Variants in TPD52L1 observed in about 807,000 individuals in gnomAD.
TPD52L1 encodes TPD52 like 1, also known as tumor protein D53.
Under a neutral mutation model 28.7 loss-of-function variants are expected in TPD52L1, and 18 were observed. The ratio of observed to expected loss-of-function variants is 0.63; its 90% CI spans 0.43 to 0.93. TPD52L1 has a LOEUF of 0.93. Ranked by LOEUF, TPD52L1 falls within the 40% of genes least tolerant of loss-of-function variation. The probability of loss-of-function intolerance (pLI) is 0.00; values close to 1 mark genes in which losing one functional copy is unlikely to be tolerated. For missense variants in TPD52L1, 203 were observed against 254.8 expected, an observed-to-expected ratio of 0.80 and a Z score of 1.39; for synonymous variants, 75 against 88.8, an observed-to-expected ratio of 0.84 and a Z score of 0.88.
In TPD52L1 at chr6:125,154,541, C is replaced by A. The variant is rs564639425; in HGVS notation, c.19+571C>A. On this transcript the variant is annotated intron_variant, in intron 1 of 6. Coordinates refer to ENST00000534000, the MANE Select transcript of TPD52L1 (RefSeq NM_003287.4). ...CTCCAGCAGATCCACACGTGAGTCC[C>A]GGTTTCCGCGATCGGGGAGCGACCT... 1.6e-4 allele frequency: 154 copies of A among 938,188 alleles called. No homozygotes were observed. In the African/African-American group the frequency reaches 4.2e-3, roughly 26 times the overall value. 58.1% of individuals were successfully genotyped at this position (938,188 alleles called of 1,614,324 possible).
intron 2 of TPD52L1, among the ~76,000 whole-genome samples, chr6:125,221,675 G>A (rs1019202180): frequency 2.0e-5 from 3 of 152,150 alleles, no homozygotes; most frequent in Non-Finnish European, 4.4e-5. Context: ...AAAAAAGTAA[G>A]TATTGGTTTT....
chr6:125,175,359 A>C (rs1791757339), intron 1 of TPD52L1, among the ~76,000 whole-genome samples: 1 of 152,202 alleles, frequency 6.6e-6, no homozygotes, highest in Non-Finnish European at 1.5e-5. Context: ...ATAGTTTAAA[A>C]ATTTTATAAA....
intron 1 of TPD52L1, among the ~76,000 whole-genome samples, chr6:125,204,185 T>A (rs1036284726): frequency 6.6e-6 from 1 of 152,148 alleles, no homozygotes; most frequent in East Asian, 1.9e-4. Context: ...CCTGAGAAAG[T>A]GTGGCTTTAG....
At chr6:125,172,104 CTT>C (rs1562209859) in intron 1 of TPD52L1, among the ~76,000 whole-genome samples, 863 of 68,508 alleles carry the variant, frequency 0.013, 5 homozygotes, top group African/African-American at 0.027. Flanking sequence ...CTTTCCCTTT[CTT>C]TCTTTCTTTC....
chr6:125,237,242 C>T (rs1344119741), intron 3 of TPD52L1, among the ~76,000 whole-genome samples: 2 of 152,068 alleles, frequency 1.3e-5, no homozygotes, highest in Non-Finnish European at 2.9e-5. Context: ...TTTAATGGGT[C>T]CCTCTGGCTG....
chr6:125,198,831 G>GT (rs1006008231), intron 1 of TPD52L1, among the ~76,000 whole-genome samples: 2 of 152,138 alleles, frequency 1.3e-5, no homozygotes, highest in African/African-American at 4.8e-5. Flanking sequence ...AGTACTACTC[G>GT]TATCTAGTTG....
At chr6:125,201,618 G>A (rs1793804979) in intron 1 of TPD52L1, among the ~76,000 whole-genome samples, 1 of 152,116 alleles carries the variant, frequency 6.6e-6, no homozygotes. Context: ...TCACAATCTT[G>A]CCAACACAGG....
At chr6:125,233,358 T>G (rs1796066000) in intron 3 of TPD52L1, among the ~76,000 whole-genome samples, 1 of 152,200 alleles carries the variant, frequency 6.6e-6, no homozygotes, top group Admixed American at 6.5e-5. Flanking sequence ...TTCCAGGCCA[T>G]TAATGGTCAG....
chr6:125,254,407 A>T (rs1797466919), intron 5 of TPD52L1, among the ~76,000 whole-genome samples: 1 of 152,186 alleles, frequency 6.6e-6, no homozygotes, highest in Non-Finnish European at 1.5e-5. Context: ...GCTCTAGCCC[A>T]GCTCTGCCAA....
In TPD52L1 at chr6:125,190,373, C is replaced by T. The variant is rs114954550; in HGVS notation, c.20-29705C>T. On this transcript the variant is annotated intron_variant, in intron 1 of 6. Transcript: ENST00000534000. ...TAGCTTGTGGGAGTCACTGCAACAA[C>T]CAAACTGATAACGGGAACCCATGAG... Among the ~76,000 whole-genome samples the T allele has an allele frequency of 3.8e-3, 571 of 152,044 alleles. 1 individual carries two copies. Among genetic ancestry groups the T allele is most frequent in the African/African-American group, 0.013 (529 of 41,454 alleles).
intron 1 of TPD52L1, chr6:125,154,342 G>A: frequency 9.5e-7 from 1 of 1,053,354 alleles, no homozygotes; most frequent in Non-Finnish European, 1.1e-6. Flanking sequence ...GAGGGAGTGG[G>A]GAGGGAATGT....
At chr6:125,254,590 T>C (rs2115053122) in intron 5 of TPD52L1, among the ~76,000 whole-genome samples, 1 of 152,240 alleles carries the variant, frequency 6.6e-6, no homozygotes, top group East Asian at 1.9e-4. Flanking sequence ...CAGTCAGAGC[T>C]ATGCCTCTTC....
At position 125,172,149 on chromosome 6, in the gene TPD52L1, TTTCTTTCTTTTCTTTCTTTC is replaced by T. The variant is rs1207405255; in HGVS notation, c.19+18182_19+18201del. ...CTTTCTTTCTTTCTTTCTTTCTTTC[TTTCTTTCTTTTCTTTCTTTC>T]TTTCTTTCTTTCTTTCTTTCTTTCT... On this transcript the variant is annotated intron_variant, in intron 1 of 6. Coordinates refer to ENST00000534000, the MANE Select transcript of TPD52L1 (RefSeq NM_003287.4). Among the ~76,000 whole-genome samples, 417 of 69,158 alleles carry T rather than the reference TTTCTTTCTTTTCTTTCTTTC, an allele frequency of 6.0e-3. 2 individuals are homozygous for T. The highest frequency in any genetic ancestry group is 7.4e-3 in the South Asian group (13 of 1,768). 45.4% of individuals were successfully genotyped at this position (69,158 alleles called of 152,430 possible).
intron 3 of TPD52L1, among the ~76,000 whole-genome samples, chr6:125,246,250 G>A (rs1178015836): frequency 6.6e-6 from 1 of 152,132 alleles, no homozygotes; most frequent in Non-Finnish European, 1.5e-5. Context: ...GAGGCAGGTG[G>A]TTCAGAGGCA....
chr6:125,155,012 A>G (rs1790025323), intron 1 of TPD52L1, among the ~76,000 whole-genome samples: 1 of 152,064 alleles, frequency 6.6e-6, no homozygotes, highest in African/African-American at 2.4e-5. Context: ...TGGGTTGGCG[A>G]TTGCGTGGGC....
intron 1 of TPD52L1, among the ~76,000 whole-genome samples, chr6:125,183,184 G>A (rs1460176641): frequency 6.6e-6 from 1 of 152,144 alleles, no homozygotes; most frequent in African/African-American, 2.4e-5. Context: ...AGTTTTTGTA[G>A]TTAGAAATGG....
At chr6:125,256,312 T>A (rs1797597430) in intron 5 of TPD52L1, among the ~76,000 whole-genome samples, 1 of 152,002 alleles carries the variant, frequency 6.6e-6, no homozygotes. Flanking sequence ...ATCAGTTCAC[T>A]GTATTCCAGC....
chr6:125,197,950 T>C (rs902171820), intron 1 of TPD52L1, among the ~76,000 whole-genome samples: 2 of 152,164 alleles, frequency 1.3e-5, no homozygotes, highest in Admixed American at 1.3e-4. Context: ...AAGGGATCGG[T>C]TAGCCCTGGA....
At chr6:125,179,004 T>G (rs1792009169) in intron 1 of TPD52L1, among the ~76,000 whole-genome samples, 1 of 152,182 alleles carries the variant, frequency 6.6e-6, no homozygotes, top group Non-Finnish European at 1.5e-5. Flanking sequence ...TTGGATTTTG[T>G]ATGTCTTTGG....
Sources: gnomAD v4.1 joint callset for allele counts (sites outside exome capture counted in the v4.1 genomes callset) on GRCh38, gnomAD v4.1.1 for gene constraint, MANE v1.5 for transcripts, NCBI Gene and HGNC (gene_info 2026-07-23, HGNC 2026-07-21) for gene names.